Variants in SELENOI observed in about 807,000 individuals in gnomAD.
SELENOI encodes the protein selenoprotein I.
In SELENOI, 24 loss-of-function variants were observed where a neutral mutation model predicts 50.7. The observed-to-expected ratio is 0.47, with a 90% CI of 0.34 to 0.67. The LOEUF is 0.67. Ranked by LOEUF, SELENOI falls within the 30% of genes least tolerant of loss-of-function variation. The pLI is 0.01. For synonymous variants in SELENOI, 155 were observed against 170.2 expected, an observed-to-expected ratio of 0.91 and a Z score of 0.70; for missense variants, 352 against 461.4, an observed-to-expected ratio of 0.76 and a Z score of 2.17.
intron 5 of SELENOI, among the ~76,000 whole-genome samples, chr2:26,374,034 G>T (rs929359260): frequency 6.6e-6 from 1 of 152,090 alleles, no homozygotes; most frequent in Non-Finnish European, 1.5e-5. Context: ...TTACAGGCAT[G>T]AGCCACCGTG....
chr2:26,375,494 T>C (rs974082824), intron 6 of SELENOI, among the ~76,000 whole-genome samples: 8 of 152,350 alleles, frequency 5.3e-5, no homozygotes, highest in African/African-American at 1.9e-4. Flanking sequence ...CTAGTTTGTA[T>C]GAAATACAGG....
intron 6 of SELENOI, among the ~76,000 whole-genome samples, chr2:26,379,444 A>C (rs1677637307): frequency 6.6e-6 from 1 of 152,030 alleles, no homozygotes; most frequent in African/African-American, 2.4e-5. Flanking sequence ...TCCTATAAAC[A>C]ATAGTTAGAT....
chr2:26,349,524 T>C (rs1050229711), intron 1 of SELENOI, among the ~76,000 whole-genome samples: 3 of 152,084 alleles, frequency 2.0e-5, no homozygotes, highest in Non-Finnish European at 4.4e-5. Context: ...CAGGCTGGTC[T>C]CGAACTCCTG....
chr2:26,346,880 T>G (rs1171159831), intron 1 of SELENOI: 1 of 152,240 alleles, frequency 6.6e-6, no homozygotes, highest in South Asian at 2.1e-4. Flanking sequence ...CAAACCTGAT[T>G]ACAAAAGTCA....
chr2:26,384,083 G>A (rs1677787295), intron 7 of SELENOI, among the ~76,000 whole-genome samples: 1 of 151,960 alleles, frequency 6.6e-6, no homozygotes. Context: ...TGCCTATTGT[G>A]TCCTGAATAT....
At chr2:26,363,886 G>A (rs566043984) in intron 1 of SELENOI, among the ~76,000 whole-genome samples, 3 of 152,100 alleles carry the variant, frequency 2.0e-5, no homozygotes, top group Admixed American at 2.0e-4. Flanking sequence ...GATTACAGGC[G>A]TGTGCCACCA....
chr2:26,381,198 CTTTTTTTTT>C (rs57102834), intron 6 of SELENOI, among the ~76,000 whole-genome samples: 9 of 30,198 alleles, frequency 3.0e-4, no homozygotes, highest in South Asian at 2.0e-3. Flanking sequence ...TCAGTTTGGT[CTTTTTTTTT>C]TTTTTTTTTT....
At chr2:26,373,669 G>C in intron 5 of SELENOI, 40 bp downstream of exon 5, 2 of 1,583,218 alleles carry the variant, frequency 1.3e-6, no homozygotes, top group South Asian at 2.3e-5. Context: ...GTATTACCAT[G>C]ATACTTTTGG....
chr2:26,354,763 GTATC>G (rs1332729828), intron 1 of SELENOI, among the ~76,000 whole-genome samples: 1 of 152,144 alleles, frequency 6.6e-6, no homozygotes, highest in African/African-American at 2.4e-5. Flanking sequence ...AATTGGATGT[GTATC>G]TAATGTACGC....
chr2:26,364,644 A>T (rs185448589), intron 2 of SELENOI, among the ~76,000 whole-genome samples, 188 bp from the exon 3 acceptor site: 24 of 152,350 alleles, frequency 1.6e-4, no homozygotes, highest in African/African-American at 4.6e-4. Flanking sequence ...TTACAGAGTT[A>T]GTTAAAAAAT....
Position 26,358,693 on chromosome 2 carries a change from G to A in SELENOI, c.58-5609G>A, listed in dbSNP as rs1677114281. Among the ~76,000 whole-genome samples, 3 of 152,226 alleles carry A rather than the reference G, an allele frequency of 2.0e-5. No homozygotes were observed. In the South Asian group the frequency reaches 6.2e-4, roughly 32 times the overall value. ...GCCAGGATCAGAAGAAATCTGGAGA[G>A]GGCAGAAATGAGTTGACTTTAGCAA... On this transcript the variant is annotated intron_variant, in intron 1 of 9. Transcript: ENST00000260585.
rs909219815 is a variant in SELENOI, at chr2:26,395,579, A to G, written c.*6476A>G. The G allele has an allele frequency of 2.0e-5, 3 of 152,644 alleles. No homozygotes were observed. Among genetic ancestry groups the G allele is most frequent in the Non-Finnish European group, 4.4e-5 (3 of 68,046 alleles). 9.5% of individuals were successfully genotyped at this position (152,644 alleles called of 1,614,324 possible). A position where few individuals can be genotyped will look rare whatever the true frequency, so the allele number is the denominator to read the frequency against. ...GAAACAGAGCTTCATGGCTTGCTTAAATTACTTAGCTGGAATATTTTAAAG... is the reference window on the plus strand; with the variant it reads ...GAAACAGAGCTTCATGGCTTGCTTAGATTACTTAGCTGGAATATTTTAAAG... On this transcript the variant is annotated 3_prime_UTR_variant, in exon 10 of 10. Transcript: ENST00000260585.
chr2:26,352,858 A>C (rs939860850), intron 1 of SELENOI, among the ~76,000 whole-genome samples: 3 of 151,802 alleles, frequency 2.0e-5, no homozygotes, highest in Non-Finnish European at 1.5e-5. Flanking sequence ...AAAAAAAAAA[A>C]ACCAGAATAT....
At chr2:26,378,788 T>C (rs190972424) in intron 6 of SELENOI, among the ~76,000 whole-genome samples, 1 of 152,368 alleles carries the variant, frequency 6.6e-6, no homozygotes, top group East Asian at 1.9e-4. Flanking sequence ...TCCCTTTTTA[T>C]GCCATCATTA....
chr2:26,373,268 A>G, intron 4 of SELENOI, 99 bp from the exon 5 acceptor site: 2 of 1,370,778 alleles, frequency 1.5e-6, no homozygotes, highest in Non-Finnish European at 2.0e-6. Flanking sequence ...TTCCTGTGAT[A>G]AGCTGATTTG....
chr2:26,355,365 A>G (rs1405328794), intron 1 of SELENOI, among the ~76,000 whole-genome samples: 1 of 147,872 alleles, frequency 6.8e-6, no homozygotes, highest in Non-Finnish European at 1.5e-5. Flanking sequence ...TTCTGAAAAG[A>G]ATAATTATAT....
chr2:26,373,494 A>G lies in SELENOI; in HGVS notation c.438A>G (p.Arg146=), dbSNP rs763696191. The G allele has an allele frequency of 3.1e-6, 5 of 1,614,028 alleles. No individual in the cohort carries two copies. Among genetic ancestry groups the G allele is most frequent in the Non-Finnish European group, 4.2e-6 (5 of 1,179,884 alleles). ...FVVTVYSIFG[R]GSTGVSVFVL... ...TGACTGTTTATTCCATCTTTGGAAG[A>G]GGATCAACTGGTGTCAGTGTTTTTG... Residue 146 remains arginine (R), a synonymous_variant, in exon 5 of 10, where the codon AGA becomes AGG. Transcript: ENST00000260585.
chr2:26,354,999 G>A (rs1677036430), intron 1 of SELENOI, among the ~76,000 whole-genome samples: 1 of 152,222 alleles, frequency 6.6e-6, no homozygotes, highest in African/African-American at 2.4e-5. Context: ...TACCAGCTGT[G>A]TGATACTTAG....
chr2:26,366,718 A>T (rs980702741), intron 3 of SELENOI, among the ~76,000 whole-genome samples: 5 of 152,248 alleles, frequency 3.3e-5, no homozygotes, highest in African/African-American at 1.2e-4. Flanking sequence ...TCTATACCCA[A>T]ATCAAAAGGT....
Sources: allele counts gnomAD v4.1 joint callset (sites outside exome capture counted in the v4.1 genomes callset), GRCh38; gene constraint gnomAD v4.1.1; transcripts MANE v1.5; gene names NCBI Gene and HGNC (gene_info 2026-07-23, HGNC 2026-07-21).